The following SNRNP48 variants were observed in gnomAD, a reference collection of about 807,000 sequenced individuals.
SNRNP48 encodes U11/U12 small nuclear ribonucleoprotein 48 kDa protein.
In SNRNP48, 43 loss-of-function variants were observed where a neutral mutation model predicts 47.0. The ratio of observed to expected loss-of-function variants is 0.92; its 90% CI spans 0.72 to 1.18. The LOEUF is 1.18. SNRNP48 is among the 50% of genes most tolerant of loss of function. SNRNP48 has a pLI of 0.00. For missense variants in SNRNP48, 396 were observed against 422.2 expected, an observed-to-expected ratio of 0.94 and a Z score of 0.54; for synonymous variants, 138 against 144.0, an observed-to-expected ratio of 0.96 and a Z score of 0.30.
chr6:7,590,830 T>C (rs1251701458), intron 1 of SNRNP48, among the ~76,000 whole-genome samples: 5 of 152,004 alleles, frequency 3.3e-5, no homozygotes, highest in Non-Finnish European at 7.4e-5. Flanking sequence ...GTACAAAAAT[T>C]AGCCGGGTGT....
intron 1 of SNRNP48, among the ~76,000 whole-genome samples, chr6:7,592,949 G>C (rs1342343474): frequency 6.6e-6 from 1 of 152,116 alleles, no homozygotes; most frequent in Admixed American, 6.6e-5. Context: ...GAGCAAGGGG[G>C]ACCTTTCACT....
rs1760197815 is a variant in SNRNP48 at position 7,609,748 on chromosome 6, T to C, written c.*875T>C. On this transcript the variant is annotated 3_prime_UTR_variant, in exon 9 of 9. Transcript: ENST00000342415. ...TTAAAATATACTGTCATGTTGTGTTTTGTAAATCAACTGAATTGAGGTACT... is the reference window on the plus strand; with the variant it reads ...TTAAAATATACTGTCATGTTGTGTTCTGTAAATCAACTGAATTGAGGTACT... 1 of 152,190 alleles carries C rather than the reference T, an allele frequency of 6.6e-6. No individual in the cohort carries two copies. The highest frequency in any genetic ancestry group is 1.5e-5 in the Non-Finnish European group (1 of 68,024). The allele number at this position is 152,190 out of a possible 1,614,324, so 9.4% of individuals were successfully genotyped here.
Position 7,590,330 on chromosome 6 carries a change from G to A in SNRNP48, c.73G>A (p.Gly25Ser), listed in dbSNP as rs1167195042. The change falls in exon 1 of 9, where the codon GGC (glycine) becomes AGC (serine). Residue 25 changes from glycine (G) to serine (S), a missense_variant. Transcript: ENST00000342415. ...QEELNEFVES[G>S]CRTLEEVTAS... ...GGAGCTGAACGAGTTCGTGGAGAGC[G>A]GCTGCCGGACGTTGGAGGAGGTGAC... 1.4e-6 allele frequency: 2 copies of A among 1,408,584 alleles called. No homozygotes were observed. Among genetic ancestry groups the A allele is most frequent in the Non-Finnish European group, 1.9e-6 (2 of 1,067,336 alleles). 87.3% of individuals were successfully genotyped at this position (1,408,584 alleles called of 1,614,324 possible).
Position 7,590,250 on chromosome 6 carries a change from C to T in SNRNP48, c.-8C>T, listed in dbSNP as rs766479619. On this transcript the variant is annotated 5_prime_UTR_variant, in exon 1 of 9. Coordinates refer to ENST00000342415, the MANE Select transcript of SNRNP48 (RefSeq NM_152551.4). ...CGGCCGCTTCCTCTTGGCGGGTGGG[C>T]TGCAGCTATGGAGGGCGAGCCTCCA... The T allele has an allele frequency of 6.1e-6, 8 of 1,307,010 alleles. No homozygotes were observed. The highest frequency in any genetic ancestry group is 3.6e-5 in the Admixed American group (1 of 27,542). 81.0% of individuals were successfully genotyped at this position (1,307,010 alleles called of 1,614,324 possible). A position where few individuals can be genotyped will look rare whatever the true frequency, so the allele number is the denominator to read the frequency against.
At chr6:7,608,094 G>A (rs1033289735) in intron 8 of SNRNP48, among the ~76,000 whole-genome samples, 1 of 152,148 alleles carries the variant, frequency 6.6e-6, no homozygotes, top group African/African-American at 2.4e-5. Context: ...AGATAAACTG[G>A]ATATAAGTAA....
At chr6:7,598,519 T>C (rs1281388681) in intron 4 of SNRNP48, among the ~76,000 whole-genome samples, 7 of 152,124 alleles carry the variant, frequency 4.6e-5, no homozygotes, top group Non-Finnish European at 8.8e-5. Flanking sequence ...AAATTTTTTT[T>C]TATATCCTCT....
In SNRNP48 at chr6:7,605,572, C is replaced by A. The variant is rs564398125; in HGVS notation, c.806+86C>A. The A allele has an allele frequency of 1.8e-4, 234 of 1,273,392 alleles. No homozygotes were observed. The African/African-American group carries it at 3.3e-3, about 18-fold the overall frequency. 78.9% of individuals were successfully genotyped at this position (1,273,392 alleles called of 1,614,324 possible). The stretch of plus-strand genomic sequence containing the variant: ...TATAATTGTTAAATTTTAGCATTTC[C>A]AAAACCCTTGATAGCACACAGTAAA... On this transcript the variant is annotated intron_variant, in intron 7 of 8. Transcript: ENST00000342415.
At chr6:7,603,691 A>C (rs1398416733) in intron 6 of SNRNP48, among the ~76,000 whole-genome samples, 1 of 152,170 alleles carries the variant, frequency 6.6e-6, no homozygotes, top group East Asian at 1.9e-4. Context: ...TTATTGTACT[A>C]ATACTCTGTA....
At chr6:7,594,203 T>C in intron 3 of SNRNP48, 44 bp downstream of exon 3, 1 of 981,688 alleles carries the variant, frequency 1.0e-6, no homozygotes, top group East Asian at 2.9e-5. Flanking sequence ...TTAGTGTAGA[T>C]ATTGATTTTT....
At chr6:7,602,791 T>C (rs529676990) in intron 6 of SNRNP48, 47 bp downstream of exon 6, 52 of 1,494,710 alleles carry the variant, frequency 3.5e-5, no homozygotes, top group East Asian at 3.1e-4. Flanking sequence ...CTTAGGTAAT[T>C]TTCTAAATCT....
rs1760182191 is a variant in SNRNP48, at chr6:7,608,940, G to A, written c.*67G>A. ...TAACCAATATACAGATATATTAATT[G>A]GAATTCCTTTGCATAGGAGAATGTT... On this transcript the variant is annotated 3_prime_UTR_variant, in exon 9 of 9. Transcript: ENST00000342415. 2.2e-6 allele frequency: 2 copies of A among 906,390 alleles called. No individual in the cohort carries two copies. Among genetic ancestry groups the A allele is most frequent in the South Asian group, 2.2e-5 (1 of 46,080 alleles). The allele number at this position is 906,390 out of a possible 1,614,324, so 56.1% of individuals were successfully genotyped here. A position where few individuals can be genotyped will look rare whatever the true frequency, so the allele number is the denominator to read the frequency against.
At position 7,603,123 on chromosome 6, in the gene SNRNP48, A is replaced by T. The variant is rs977265678; in HGVS notation, c.717+379A>T. ...GATTGAATGTTTTCTTTTCATAATA[A>T]TAATAATATAATCTTTGCAGGGTTG... On this transcript the variant is annotated intron_variant, in intron 6 of 8. Transcript: ENST00000342415. Among the ~76,000 whole-genome samples the T allele has an allele frequency of 2.0e-5, 3 of 152,288 alleles. No homozygotes were observed. The East Asian group carries it at 5.8e-4, about 29-fold the overall frequency.
chr6:7,604,488 G>C (rs532592398), intron 6 of SNRNP48, among the ~76,000 whole-genome samples: 3 of 152,298 alleles, frequency 2.0e-5, no homozygotes, highest in South Asian at 4.1e-4. Context: ...GGCTCTGAAG[G>C]CTTCATTAAG....
chr6:7,609,209 C>G lies in SNRNP48; in HGVS notation c.*336C>G, dbSNP rs1013166220. On this transcript the variant is annotated 3_prime_UTR_variant, in exon 9 of 9. Coordinates refer to ENST00000342415, the MANE Select transcript of SNRNP48 (RefSeq NM_152551.4). ...AAATTAAACATGAATACATTCTCAT[C>G]TTATAACTACATCTTATAAATAAGG... is the stretch of plus-strand genomic sequence containing the variant. 2.5e-5 allele frequency: 4 copies of G among 161,514 alleles called. No individual in the cohort carries two copies. Among genetic ancestry groups the G allele is most frequent in the Non-Finnish European group, 4.0e-5 (3 of 74,338 alleles). The allele number at this position is 161,514 out of a possible 1,614,324, so 10.0% of individuals were successfully genotyped here.
intron 4 of SNRNP48, among the ~76,000 whole-genome samples, chr6:7,597,845 A>T (rs894058330): frequency 1.3e-5 from 2 of 149,964 alleles, no homozygotes; most frequent in Admixed American, 6.7e-5. Context: ...TTAAATTAAG[A>T]TTTAATTGTT....
intron 6 of SNRNP48, among the ~76,000 whole-genome samples, chr6:7,604,365 T>C (rs1760087249): frequency 6.6e-6 from 1 of 152,308 alleles, no homozygotes; most frequent in Admixed American, 6.5e-5. Flanking sequence ...GAAAAGCAGA[T>C]AGAAGTATAG....
chr6:7,594,259 A>G (rs907199089), intron 3 of SNRNP48, 100 bp downstream of exon 3: 3 of 545,958 alleles, frequency 5.5e-6, no homozygotes, highest in African/African-American at 3.9e-5. Context: ...CATGCTTATG[A>G]CAAGGACATT....
intron 7 of SNRNP48, 34 bp downstream of exon 7, chr6:7,605,520 C>T (rs775391945): frequency 2.6e-6 from 4 of 1,560,106 alleles, no homozygotes; most frequent in South Asian, 2.2e-5. Flanking sequence ...AAAATACTCT[C>T]TCTTTGATAA....
At chr6:7,590,902 C>CA (rs1759804985) in intron 1 of SNRNP48, among the ~76,000 whole-genome samples, 1 of 152,170 alleles carries the variant, frequency 6.6e-6, no homozygotes, top group African/African-American at 2.4e-5. Context: ...AGCTTGAGCC[C>CA]AGGAGGTCGA....
Sources: allele counts gnomAD v4.1 joint callset (sites outside exome capture counted in the v4.1 genomes callset), GRCh38; gene constraint gnomAD v4.1.1; transcripts MANE v1.5; gene names NCBI Gene and HGNC (gene_info 2026-07-23, HGNC 2026-07-21).